PDSS2: variants seen among roughly 807,000 people sequenced by gnomAD.
PDSS2 encodes decaprenyl diphosphate synthase subunit 2.
Under a neutral mutation model 44.5 loss-of-function variants are expected in PDSS2, and 31 were observed. That is an observed-to-expected ratio of 0.70 (90% confidence interval 0.52 to 0.94). PDSS2 has a LOEUF of 0.94. Ranked by LOEUF, PDSS2 falls within the 40% of genes least tolerant of loss-of-function variation. The pLI, the probability that PDSS2 is intolerant of heterozygous loss-of-function variation, is 0.00. For synonymous variants in PDSS2, 157 were observed against 180.3 expected, an observed-to-expected ratio of 0.87 and a Z score of 1.03; for missense variants, 452 against 482.2, an observed-to-expected ratio of 0.94 and a Z score of 0.59.
At chr6:107,349,730 C>T (rs1386376492) in intron 1 of PDSS2, among the ~76,000 whole-genome samples, 2 of 151,774 alleles carry the variant, frequency 1.3e-5, no homozygotes, top group East Asian at 1.9e-4. Context: ...GCCTGGGTGA[C>T]AAGAGTGAAA....
chr6:107,355,507 C>T (rs988917633), intron 1 of PDSS2, among the ~76,000 whole-genome samples: 4 of 152,134 alleles, frequency 2.6e-5, no homozygotes, highest in African/African-American at 9.7e-5. Context: ...CCAGAAATTG[C>T]TACCATAATA....
chr6:107,225,135 TTTTATATATATA>T (rs1490903484), intron 4 of PDSS2, among the ~76,000 whole-genome samples: 3 of 36,494 alleles, frequency 8.2e-5, no homozygotes, highest in Non-Finnish European at 8.2e-5. Context: ...ATATATATAT[TTTTATATATATA>T]TATATATATA....
intron 1 of PDSS2, among the ~76,000 whole-genome samples, chr6:107,413,637 G>C (rs1162111722): frequency 6.6e-6 from 1 of 152,116 alleles, no homozygotes. Flanking sequence ...GCTAATTTTT[G>C]TATTTTTAGT....
chr6:107,227,042 C>CA (rs1046999802), intron 4 of PDSS2, among the ~76,000 whole-genome samples: 2 of 151,038 alleles, frequency 1.3e-5, no homozygotes, highest in African/African-American at 4.9e-5. Context: ...CCCAGGGGCA[C>CA]AATCTTGGCT....
chr6:107,387,357 A>G (rs987193622), intron 1 of PDSS2, among the ~76,000 whole-genome samples: 2 of 152,170 alleles, frequency 1.3e-5, no homozygotes, highest in Non-Finnish European at 2.9e-5. Flanking sequence ...TTTCATTTAA[A>G]CTTTCTCTAG....
chr6:107,341,254 T>A (rs1174999691), intron 1 of PDSS2, among the ~76,000 whole-genome samples: 1 of 152,008 alleles, frequency 6.6e-6, no homozygotes, highest in African/African-American at 2.4e-5. Context: ...ACTGGAGGGA[T>A]GAAGGAGACA....
chr6:107,205,050 A>G (rs1346222348), intron 6 of PDSS2, among the ~76,000 whole-genome samples: 1 of 152,236 alleles, frequency 6.6e-6, no homozygotes, highest in Non-Finnish European at 1.5e-5. Context: ...AAGAACTAGA[A>G]GAGTATCACA....
chr6:107,329,468 G>A (rs1777646865), intron 2 of PDSS2, among the ~76,000 whole-genome samples: 1 of 152,042 alleles, frequency 6.6e-6, no homozygotes. Flanking sequence ...TGTGAGGCTG[G>A]CCTGTAGATG....
chr6:107,294,811 T>TA (rs1374398644), intron 2 of PDSS2, among the ~76,000 whole-genome samples: 1 of 152,174 alleles, frequency 6.6e-6, no homozygotes, highest in Non-Finnish European at 1.5e-5. Context: ...TTTGCTGAGG[T>TA]AAAATATAAT....
At chr6:107,258,100 T>C (rs2114865099) in intron 3 of PDSS2, among the ~76,000 whole-genome samples, 1 of 152,352 alleles carries the variant, frequency 6.6e-6, no homozygotes, top group South Asian at 2.1e-4. Context: ...TACATTACCT[T>C]ATAGCCTTTA....
At chr6:107,166,426 G>A (rs1221486217) in intron 7 of PDSS2, among the ~76,000 whole-genome samples, 5 of 146,802 alleles carry the variant, frequency 3.4e-5, no homozygotes, top group Non-Finnish European at 7.4e-5. Context: ...GTGCAGTGGC[G>A]TGATCTCGGC....
At chr6:107,284,631 A>G (rs2114991802) in intron 2 of PDSS2, among the ~76,000 whole-genome samples, 1 of 150,440 alleles carries the variant, frequency 6.6e-6, no homozygotes, top group Admixed American at 6.7e-5. Context: ...ATCACACTCC[A>G]GCCTGGAGGA....
At chr6:107,396,154 TC>T (rs1779932758) in intron 1 of PDSS2, among the ~76,000 whole-genome samples, 3 of 152,194 alleles carry the variant, frequency 2.0e-5, no homozygotes, top group Admixed American at 2.0e-4. Context: ...TTTTGCACAC[TC>T]CATGGAATTT....
chr6:107,396,678 C>CTTTTTTTTTTTTTTTTTTTTTTTTTTTTT, intron 1 of PDSS2, among the ~76,000 whole-genome samples: 1 of 79,358 alleles, frequency 1.3e-5, no homozygotes, highest in Non-Finnish European at 2.6e-5. Flanking sequence ...CTTCTTTTTT[C>CTTTTTTTTTTTTTTTTTTTTTTTTTTTTT]TTTTTTTTTT....
At chr6:107,183,835 C>T (rs1159633637) in intron 7 of PDSS2, among the ~76,000 whole-genome samples, 1 of 151,904 alleles carries the variant, frequency 6.6e-6, no homozygotes. Context: ...GTGGAGGTTG[C>T]AGTGAGCTGA....
intron 7 of PDSS2, among the ~76,000 whole-genome samples, chr6:107,163,566 G>A (rs563496932): frequency 5.3e-5 from 8 of 151,668 alleles, no homozygotes; most frequent in Non-Finnish European, 1.0e-4. Context: ...ACTAGAATGG[G>A]CAATAGGTCT....
At chr6:107,293,352 A>AC (rs1776406816) in intron 2 of PDSS2, among the ~76,000 whole-genome samples, 1 of 152,000 alleles carries the variant, frequency 6.6e-6, no homozygotes, top group Non-Finnish European at 1.5e-5. Flanking sequence ...GAAAACCCAG[A>AC]CCCCCTCTCT....
chr6:107,353,211 T>C (rs1778485055), intron 1 of PDSS2, among the ~76,000 whole-genome samples: 1 of 152,214 alleles, frequency 6.6e-6, no homozygotes, highest in Admixed American at 6.5e-5. Context: ...GCTTTTTGAA[T>C]GTCTATACAG....
At chr6:107,175,346 G>T (rs62428009) in intron 7 of PDSS2, among the ~76,000 whole-genome samples, 45,722 of 151,956 alleles carry the variant, frequency 0.3, 7,325 homozygotes, top group East Asian at 0.53. Flanking sequence ...ACAAATTTAG[G>T]TAAGAGCAAG....
Sources: allele counts gnomAD v4.1 joint callset (sites outside exome capture counted in the v4.1 genomes callset), GRCh38; gene constraint gnomAD v4.1.1; transcripts MANE v1.5; gene names NCBI Gene and HGNC (gene_info 2026-07-23, HGNC 2026-07-21).